Variants in ASGR2 observed in about 807,000 individuals in gnomAD.
ASGR2 encodes the protein asialoglycoprotein receptor 2, also known as C-type lectin domain family 4 member H2.
ASGR2 carries 34 observed loss-of-function variants against 32.3 expected under a neutral mutation model. The ratio of observed to expected loss-of-function variants is 1.05; its 90% CI spans 0.80 to 1.40. The LOEUF is 1.40. Among genes scored for constraint, ASGR2 ranks in the 40% most tolerant of loss-of-function variants. The pLI, the probability that ASGR2 is intolerant of heterozygous loss-of-function variation, is 0.00. For synonymous variants in ASGR2, 143 were observed against 150.0 expected, an observed-to-expected ratio of 0.95 and a Z score of 0.34; for missense variants, 385 against 386.4, an observed-to-expected ratio of 1.00 and a Z score of 0.03.
chr17:7,104,348 T>TAAAAAAAAA lies in ASGR2; in HGVS notation c.649-2161_649-2153dup, dbSNP rs71383461. On this transcript the variant is annotated intron_variant, in intron 7 of 8. Coordinates refer to ENST00000691900, the MANE Select transcript of ASGR2 (RefSeq NM_001201352.2). ...GGTCAAAAAGAGCAAAACTCTGTCT[T>TAAAAAAAAA]AAAAAAAAAAAAAAAAAAAAAAGCC... Among the ~76,000 whole-genome samples the TAAAAAAAAA allele has an allele frequency of 1.1e-3, 91 of 79,794 alleles. 3 individuals are homozygous for TAAAAAAAAA. The highest frequency in any genetic ancestry group is 6.1e-3 in the East Asian group (15 of 2,448). 52.3% of individuals were successfully genotyped at this position (79,794 alleles called of 152,430 possible). A position where few individuals can be genotyped will look rare whatever the true frequency, so the allele number is the denominator to read the frequency against.
rs1272600647 is a variant in ASGR2, at chr17:7,113,339, C to T, written c.124+778G>A. Among the ~76,000 whole-genome samples the T allele has an allele frequency of 1.9e-5, 2 of 105,138 alleles. No homozygotes were observed. 69.0% of individuals were successfully genotyped at this position (105,138 alleles called of 152,430 possible). On this transcript the variant is annotated intron_variant, in intron 2 of 8. Transcript: ENST00000691900. The surrounding 1 kb of genome is among the most constrained non-coding windows in gnomAD (Gnocchi z 5.1). ...ACATACACACACTAACACACACACT[C>T]ACGCAACACACTCACACACACAACA...
rs1365664617 is a variant in ASGR2, at chr17:7,101,412, T to G, written c.*163A>C. On this transcript the variant is annotated 3_prime_UTR_variant, in exon 9 of 9. Coordinates refer to ENST00000691900, the MANE Select transcript of ASGR2 (RefSeq NM_001201352.2). ...ATGAATTACAGAAGGAGGTGGGATC[T>G]CAGTCCTCCAGGGTCAGGGACTCTT... is the stretch of plus-strand genomic sequence containing the variant. 21 of 809,428 alleles carry G rather than the reference T, an allele frequency of 2.6e-5. No homozygotes were observed. The highest frequency in any genetic ancestry group is 1.4e-4 in the African/African-American group (8 of 58,040). The allele number at this position is 809,428 out of a possible 1,614,324, so 50.1% of individuals were successfully genotyped here.
At chr17:7,109,408 A>G (rs1338279843) in intron 2 of ASGR2, among the ~76,000 whole-genome samples, 1 of 152,026 alleles carries the variant, frequency 6.6e-6, no homozygotes, top group Non-Finnish European at 1.5e-5. Context: ...ATACTGGAAC[A>G]GTCCCTCCCC....
chr17:7,105,679 AAAAAC>A (rs768305885), intron 7 of ASGR2, among the ~76,000 whole-genome samples: 19 of 152,316 alleles, frequency 1.2e-4, no homozygotes, highest in Middle Eastern at 6.8e-3. Flanking sequence ...ATCTTGTATC[AAAAAC>A]AAAACAAAAC....
Position 7,107,225 on chromosome 17 carries a change from C to T in ASGR2, c.496+6G>A, listed in dbSNP as rs763550198. On this transcript the variant is annotated splice_donor_region_variant and intron_variant, in intron 6 of 8. Coordinates refer to ENST00000691900, the MANE Select transcript of ASGR2 (RefSeq NM_001201352.2). The surrounding 1 kb of genome is among the most constrained non-coding windows in gnomAD (Gnocchi z 5.0). Reference sequence around the variant, plus strand: ...ACACTGGGCCTGGAGACGGCCCCACCCCTACCGTTGCTGTGGAGGAGCTCC... The same window carrying T: ...ACACTGGGCCTGGAGACGGCCCCACTCCTACCGTTGCTGTGGAGGAGCTCC... 1.2e-6 allele frequency: 2 copies of T among 1,614,178 alleles called. No individual in the cohort carries two copies. The highest frequency in any genetic ancestry group is 8.5e-7 in the Non-Finnish European group (1 of 1,180,028).
At chr17:7,111,726 C>A (rs953602239) in intron 2 of ASGR2, among the ~76,000 whole-genome samples, 1 of 149,302 alleles carries the variant, frequency 6.7e-6, no homozygotes, top group African/African-American at 2.5e-5. Context: ...ATGAGAAATG[C>A]GTAAGAAAAA....
rs1013991182 is a variant in ASGR2, at chr17:7,107,697, A to G, written c.409+139T>C. The G allele has an allele frequency of 9.5e-7, 1 of 1,052,500 alleles. No homozygotes were observed. The allele number at this position is 1,052,500 out of a possible 1,614,324, so 65.2% of individuals were successfully genotyped here. On this transcript the variant is annotated intron_variant, in intron 5 of 8. Coordinates refer to ENST00000691900, the MANE Select transcript of ASGR2 (RefSeq NM_001201352.2). This position sits in a 1 kb window ranked among gnomAD's most constrained non-coding sequence, Gnocchi z 5.0. The stretch of plus-strand genomic sequence containing the variant: ...TATCACACCACACATACGGAGAGAG[A>G]CACAGATACACATGCTTGCAGGCAC...
At chr17:7,109,711 C>T (rs1328145966) in intron 2 of ASGR2, among the ~76,000 whole-genome samples, 2 of 152,056 alleles carry the variant, frequency 1.3e-5, no homozygotes. Flanking sequence ...CACACTCACA[C>T]ATTGCTCACT....
At chr17:7,105,732 G>T (rs1005943613) in intron 7 of ASGR2, among the ~76,000 whole-genome samples, 5 of 151,928 alleles carry the variant, frequency 3.3e-5, no homozygotes, top group African/African-American at 1.2e-4. Context: ...AAGCTTAGCT[G>T]CCCTGTGCTG....
At chr17:7,104,931 G>A (rs987625392) in intron 7 of ASGR2, among the ~76,000 whole-genome samples, 134 of 150,258 alleles carry the variant, frequency 8.9e-4, no homozygotes, top group Admixed American at 1.6e-3. Flanking sequence ...AGCCAAGATC[G>A]CGCCATTGCA....
At chr17:7,115,083 G>C, upstream of ASGR2, 13 of 883,986 alleles carry the variant, frequency 1.5e-5, no homozygotes, top group Non-Finnish European at 1.8e-5. This position sits in a 1 kb window ranked among gnomAD's most constrained non-coding sequence, Gnocchi z 4.2. Flanking sequence ...AAATATCCCT[G>C]ACCAGGATCA....
chr17:7,113,968 G>A lies in ASGR2; in HGVS notation c.124+149C>T. Reference sequence around the variant, plus strand: ...ATGCCTTTCCTGGGGTCCTGGGGTAGACAGGAAGGTGAGGTGAGGGAACAA... The same window carrying A: ...ATGCCTTTCCTGGGGTCCTGGGGTAAACAGGAAGGTGAGGTGAGGGAACAA... On this transcript the variant is annotated intron_variant, in intron 2 of 8. Transcript: ENST00000691900. This position sits in a 1 kb window ranked among gnomAD's most constrained non-coding sequence, Gnocchi z 5.1. 1 of 1,233,986 alleles carries A rather than the reference G, an allele frequency of 8.1e-7. No homozygotes were observed. The highest frequency in any genetic ancestry group is 1.1e-6 in the Non-Finnish European group (1 of 897,504). The allele number at this position is 1,233,986 out of a possible 1,614,324, so 76.4% of individuals were successfully genotyped here.
chr17:7,111,572 C>T (rs1914646314), intron 2 of ASGR2, among the ~76,000 whole-genome samples: 1 of 151,284 alleles, frequency 6.6e-6, no homozygotes, highest in East Asian at 2.0e-4. Context: ...AGGAGAATGG[C>T]ATGAACCCGG....
At chr17:7,106,465 G>A (rs932655506) in intron 7 of ASGR2, among the ~76,000 whole-genome samples, 3 of 152,198 alleles carry the variant, frequency 2.0e-5, no homozygotes, top group African/African-American at 7.2e-5. Context: ...CTGATGAAAT[G>A]TTGGCAAGTT....
chr17:7,113,477 T>C lies in ASGR2; in HGVS notation c.124+640A>G, dbSNP rs1597397289. ...CACAAACATACATACACTCACACAA[T>C]ACACACACACAACACACACACAACA... is the stretch of plus-strand genomic sequence containing the variant. On this transcript the variant is annotated intron_variant, in intron 2 of 8. Transcript: ENST00000691900. The surrounding 1 kb of genome is among the most constrained non-coding windows in gnomAD (Gnocchi z 5.1). 1.5e-5 allele frequency among the ~76,000 whole-genome samples: 2 copies of C among 132,324 alleles called. No homozygotes were observed. The highest frequency in any genetic ancestry group is 2.2e-4 in the East Asian group (1 of 4,492). The allele number at this position is 132,324 out of a possible 152,430, so 86.8% of individuals were successfully genotyped here.
chr17:7,104,824 AAGTT>A (rs756450895), intron 7 of ASGR2, among the ~76,000 whole-genome samples: 12 of 151,496 alleles, frequency 7.9e-5, no homozygotes, highest in African/African-American at 7.3e-5. Context: ...AAAAATATAA[AAGTT>A]AGCCAGGCAC....
rs773427606 is a variant in ASGR2 at position 7,107,908 on chromosome 17, C to A, written c.338-1G>T. ...GTGATCTTGTCACCCACGCTGCCTC[C>A]TGGAAGCGGAAAGCCAGCTGTTTCC... On this transcript the variant is annotated splice_acceptor_variant, in intron 4 of 8. Coordinates refer to ENST00000691900, the MANE Select transcript of ASGR2 (RefSeq NM_001201352.2). LOFTEE classifies it high-confidence loss of function. This position sits in a 1 kb window ranked among gnomAD's most constrained non-coding sequence, Gnocchi z 5.0. The A allele has an allele frequency of 9.6e-5, 155 of 1,613,816 alleles. 2 individuals carry two copies. In the South Asian group the frequency reaches 1.6e-3, roughly 17 times the overall value.
At position 7,108,394 on chromosome 17, in the gene ASGR2, T is replaced by C; in HGVS notation, c.337+68A>G. 6.7e-7 allele frequency: 1 copy of C among 1,488,020 alleles called. No individual in the cohort carries two copies. The allele number at this position is 1,488,020 out of a possible 1,614,324, so 92.2% of individuals were successfully genotyped here. Reference sequence around the variant, plus strand: ...CCCACGGCACCCCACACAGCCCTGTTGCAGACTCGGCACTGAGCCCAGCAA... The same window carrying C: ...CCCACGGCACCCCACACAGCCCTGTCGCAGACTCGGCACTGAGCCCAGCAA... On this transcript the variant is annotated intron_variant, in intron 4 of 8. Transcript: ENST00000691900. The surrounding 1 kb of genome is among the most constrained non-coding windows in gnomAD (Gnocchi z 4.9).
rs1331250079 is a variant in ASGR2, at chr17:7,114,586, GT to G, written c.-71+28del. 1.8e-6 allele frequency: 2 copies of G among 1,086,350 alleles called. No homozygotes were observed. Among genetic ancestry groups the G allele is most frequent in the African/African-American group, 3.3e-5 (2 of 60,680 alleles). 67.3% of individuals were successfully genotyped at this position (1,086,350 alleles called of 1,614,324 possible). A position where few individuals can be genotyped will look rare whatever the true frequency, so the allele number is the denominator to read the frequency against. On this transcript the variant is annotated intron_variant, in intron 1 of 8. Transcript: ENST00000691900. This position sits in a 1 kb window ranked among gnomAD's most constrained non-coding sequence, Gnocchi z 4.5. ...GGCCTCCTTGTTCCCAAGCATCCTC[GT>G]CCCAGTTGCCTCCCCAGCCTCAGTT... is the stretch of plus-strand genomic sequence containing the variant.
Sources: allele counts gnomAD v4.1 joint callset (sites outside exome capture counted in the v4.1 genomes callset), GRCh38; gene constraint gnomAD v4.1.1; non-coding constraint Gnocchi (gnomAD v3.1); transcripts MANE v1.5; gene names NCBI Gene and HGNC (gene_info 2026-07-23, HGNC 2026-07-21).